CEP85L: variants seen among roughly 807,000 people sequenced by gnomAD.
CEP85L encodes the protein centrosomal protein of 85 kDa-like.
CEP85L carries 60 observed loss-of-function variants against 100.3 expected under a neutral mutation model. That is an observed-to-expected ratio of 0.60 (90% CI 0.49 to 0.74). CEP85L has a LOEUF of 0.74. Ranked by LOEUF, CEP85L falls within the 30% of genes least tolerant of loss-of-function variation. The probability of loss-of-function intolerance (pLI) is 0.00; values close to 1 mark genes in which losing one functional copy is unlikely to be tolerated. For synonymous variants in CEP85L, 319 were observed against 322.7 expected, an observed-to-expected ratio of 0.99 and a Z score of 0.12; for missense variants, 973 against 936.2, an observed-to-expected ratio of 1.04 and a Z score of -0.51.
At chr6:118,674,683 C>T (rs1373218803) in intron 1 of CEP85L, among the ~76,000 whole-genome samples, 1 of 152,168 alleles carries the variant, frequency 6.6e-6, no homozygotes, top group Non-Finnish European at 1.5e-5. Flanking sequence ...AGAAGATATA[C>T]GCATGACCAT....
At chr6:118,539,386 T>C (rs561838724) in intron 3 of CEP85L, among the ~76,000 whole-genome samples, 1 of 152,246 alleles carries the variant, frequency 6.6e-6, no homozygotes, top group East Asian at 1.9e-4. Flanking sequence ...AGCCTAGGCG[T>C]GTAGTTGTTA....
intron 12 of CEP85L, among the ~76,000 whole-genome samples, chr6:118,466,391 G>A (rs572979538): frequency 2.0e-5 from 3 of 152,220 alleles, no homozygotes; most frequent in African/African-American, 7.2e-5. Flanking sequence ...AGTCAGAAAA[G>A]GAACAGACAC....
intron 3 of CEP85L, among the ~76,000 whole-genome samples, chr6:118,553,275 A>AAAC (rs1240659100): frequency 6.6e-6 from 1 of 151,932 alleles, no homozygotes; most frequent in East Asian, 1.9e-4. Flanking sequence ...AGAGAATGAT[A>AAAC]AACATCTGAC....
chr6:118,505,215 G>A (rs1775567590), intron 5 of CEP85L, among the ~76,000 whole-genome samples: 1 of 151,750 alleles, frequency 6.6e-6, no homozygotes, highest in Non-Finnish European at 1.5e-5. Flanking sequence ...GACTAAGGCA[G>A]GCAGATCATG....
rs1772321293 is a variant in CEP85L, at chr6:118,463,266, AT to A, written c.*2138del. 1 of 151,928 alleles carries A rather than the reference AT, an allele frequency of 6.6e-6. No individual in the cohort carries two copies. The highest frequency in any genetic ancestry group is 6.6e-5 in the Admixed American group (1 of 15,254). The allele number at this position is 151,928 out of a possible 1,614,324, so 9.4% of individuals were successfully genotyped here. A position where few individuals can be genotyped will look rare whatever the true frequency, so the allele number is the denominator to read the frequency against. On this transcript the variant is annotated 3_prime_UTR_variant, in exon 13 of 13. Coordinates refer to ENST00000368491, the MANE Select transcript of CEP85L (RefSeq NM_001042475.3). ...CGTCTGCTTAAAAAAAAAAAAATAA[AT>A]AAACCCATAAAATCCCAAAACATAC... is the stretch of plus-strand genomic sequence containing the variant.
At chr6:118,651,626 T>A, upstream of CEP85L, 1 of 965,886 alleles carries the variant, frequency 1.0e-6, no homozygotes, top group South Asian at 4.8e-5. Context: ...GAGCCGGGGC[T>A]GGGGCCGCGA....
chr6:118,582,793 G>A (rs189692237), intron 2 of CEP85L, among the ~76,000 whole-genome samples: 1 of 152,282 alleles, frequency 6.6e-6, no homozygotes, highest in East Asian at 1.9e-4. Flanking sequence ...TGAAGGACAA[G>A]TTTATTACAC....
intron 3 of CEP85L, among the ~76,000 whole-genome samples, chr6:118,540,478 C>T (rs936223980): frequency 6.6e-6 from 1 of 151,986 alleles, no homozygotes; most frequent in Non-Finnish European, 1.5e-5. Context: ...GCTTTCTGGC[C>T]GGGCACAGTG....
At chr6:118,493,875 C>G (rs1227683262) in intron 5 of CEP85L, among the ~76,000 whole-genome samples, 1 of 152,016 alleles carries the variant, frequency 6.6e-6, no homozygotes, top group South Asian at 2.1e-4. Flanking sequence ...ATATGGAACT[C>G]AGGAAGATGG....
intron 5 of CEP85L, among the ~76,000 whole-genome samples, chr6:118,496,946 G>A (rs1774967119): frequency 2.6e-5 from 4 of 152,340 alleles, no homozygotes; most frequent in African/African-American, 7.2e-5. Flanking sequence ...TTTCTGACAT[G>A]TTTCAAACAT....
chr6:118,502,297 G>A (rs1340119332), intron 5 of CEP85L: 1 of 528,472 alleles, frequency 1.9e-6, no homozygotes, highest in Admixed American at 3.2e-5. Flanking sequence ...TGCAATCTAT[G>A]GGGGAAGACT....
upstream of CEP85L, chr6:118,651,751 C>T (rs566354242): frequency 4.3e-5 from 42 of 986,974 alleles, no homozygotes; most frequent in African/African-American, 5.8e-4. Flanking sequence ...GCTTCGCCTC[C>T]TTGGCGGCGA....
At chr6:118,594,840 A>G (rs367922010) in intron 2 of CEP85L, among the ~76,000 whole-genome samples, 15 of 146,860 alleles carry the variant, frequency 1.0e-4, no homozygotes, top group African/African-American at 3.8e-4. Flanking sequence ...AGGGCGACAC[A>G]GCGAGATTGT....
intron 10 of CEP85L, among the ~76,000 whole-genome samples, chr6:118,472,399 C>T (rs1773029904): frequency 6.6e-6 from 1 of 152,122 alleles, no homozygotes; most frequent in Non-Finnish European, 1.5e-5. Context: ...AGGTAAAAGA[C>T]ATTGCAGATA....
At chr6:118,570,038 A>C (rs1779792137) in intron 2 of CEP85L, among the ~76,000 whole-genome samples, 1 of 152,216 alleles carries the variant, frequency 6.6e-6, no homozygotes, top group African/African-American at 2.4e-5. Context: ...ATGAATACAC[A>C]TATGTGAACA....
intron 2 of CEP85L, among the ~76,000 whole-genome samples, chr6:118,609,481 C>A (rs12199837): frequency 0.057 from 8,686 of 152,202 alleles, 298 homozygotes; most frequent in South Asian, 0.11. Flanking sequence ...GTTTGACAAT[C>A]TCTTTTTAAG....
intron 4 of CEP85L, among the ~76,000 whole-genome samples, chr6:118,518,454 C>T (rs1776416592): frequency 6.6e-6 from 1 of 152,134 alleles, no homozygotes; most frequent in Non-Finnish European, 1.5e-5. Context: ...CTGGTTTAGA[C>T]CTGGGAGAGT....
intron 5 of CEP85L, among the ~76,000 whole-genome samples, chr6:118,499,238 T>C (rs1426983237): frequency 6.6e-6 from 1 of 152,102 alleles, no homozygotes; most frequent in Non-Finnish European, 1.5e-5. Context: ...AAATCTGAAA[T>C]AAACAAAAGA....
intron 2 of CEP85L, among the ~76,000 whole-genome samples, chr6:118,572,760 T>C (rs1779980927): frequency 6.6e-6 from 1 of 151,936 alleles, no homozygotes; most frequent in African/African-American, 2.4e-5. Flanking sequence ...ACAAACATAT[T>C]AATCTCAATA....
Sources: gnomAD v4.1 joint callset for allele counts (sites outside exome capture counted in the v4.1 genomes callset) on GRCh38, gnomAD v4.1.1 for gene constraint, MANE v1.5 for transcripts, NCBI Gene and HGNC (gene_info 2026-07-23, HGNC 2026-07-21) for gene names.